Variants in PIP4K2A observed in about 807,000 individuals in gnomAD.
PIP4K2A encodes the protein phosphatidylinositol 5-phosphate 4-kinase type-2 alpha.
PIP4K2A carries 14 observed loss-of-function variants against 42.9 expected under a neutral mutation model. The observed-to-expected ratio is 0.33, with a 90% CI of 0.22 to 0.51. The LOEUF is 0.51. Among genes scored for constraint, PIP4K2A ranks in the 20% least tolerant of loss-of-function variants. The pLI is 0.97. For synonymous variants in PIP4K2A, 192 were observed against 192.2 expected (o/e 1.00, Z 0.01); for missense variants, 434 against 519.8 (o/e 0.83, Z 1.61).
intron 1 of PIP4K2A, among the ~76,000 whole-genome samples, chr10:22,644,912 T>A (rs1427702976): frequency 6.6e-6 from 1 of 152,234 alleles, no homozygotes; most frequent in Non-Finnish European, 1.5e-5. Context: ...GAAAAAGAAC[T>A]GCTTCGGTTA....
At chr10:22,558,287 C>T (rs1836601846) in intron 6 of PIP4K2A, among the ~76,000 whole-genome samples, 1 of 152,098 alleles carries the variant, frequency 6.6e-6, no homozygotes, top group South Asian at 2.1e-4. Context: ...GCCGTGCTTG[C>T]AAAAATCTTC....
At chr10:22,652,411 A>G (rs1839014850) in intron 1 of PIP4K2A, among the ~76,000 whole-genome samples, 1 of 152,152 alleles carries the variant, frequency 6.6e-6, no homozygotes, top group African/African-American at 2.4e-5. Context: ...GTGAGCCACC[A>G]TGCCAGGCCT....
At chr10:22,669,808 T>C (rs1246952673) in intron 1 of PIP4K2A, among the ~76,000 whole-genome samples, 2 of 152,208 alleles carry the variant, frequency 1.3e-5, no homozygotes, top group African/African-American at 4.8e-5. Flanking sequence ...TGAATGTCTT[T>C]CTGATTTCTA....
At chr10:22,653,692 T>C (rs1433596898) in intron 1 of PIP4K2A, among the ~76,000 whole-genome samples, 1 of 152,018 alleles carries the variant, frequency 6.6e-6, no homozygotes, top group Non-Finnish European at 1.5e-5. Flanking sequence ...GGTGGGTGGA[T>C]CACTTGAGGC....
intron 1 of PIP4K2A, chr10:22,694,698 C>CT (rs1405210468): frequency 6.6e-6 from 1 of 152,028 alleles, no homozygotes; most frequent in Non-Finnish European, 1.5e-5. Context: ...AAAATAACTG[C>CT]TTTTTTGAAA....
At chr10:22,547,676 G>C (rs2130753525) in intron 7 of PIP4K2A, among the ~76,000 whole-genome samples, 1 of 152,346 alleles carries the variant, frequency 6.6e-6, no homozygotes, top group South Asian at 2.1e-4. Context: ...CACAGAGGGA[G>C]AACAGTTTTG....
chr10:22,647,945 T>C (rs1245231978), intron 1 of PIP4K2A, among the ~76,000 whole-genome samples: 1 of 152,196 alleles, frequency 6.6e-6, no homozygotes, highest in Non-Finnish European at 1.5e-5. Flanking sequence ...ATTTAGAAGA[T>C]AAAAATAAAA....
chr10:22,705,900 C>T (rs1191187650), intron 1 of PIP4K2A, among the ~76,000 whole-genome samples: 2 of 151,964 alleles, frequency 1.3e-5, no homozygotes, highest in African/African-American at 4.8e-5. Flanking sequence ...AGAGGTTTAA[C>T]TGACTCAGTT....
At chr10:22,617,508 C>G (rs1838201172) in intron 1 of PIP4K2A, among the ~76,000 whole-genome samples, 1 of 152,198 alleles carries the variant, frequency 6.6e-6, no homozygotes, top group Non-Finnish European at 1.5e-5. Flanking sequence ...ACACTATGTT[C>G]TCAGACTAAT....
intron 1 of PIP4K2A, among the ~76,000 whole-genome samples, chr10:22,680,757 A>T (rs932477821): frequency 6.6e-6 from 1 of 152,204 alleles, no homozygotes; most frequent in Non-Finnish European, 1.5e-5. Flanking sequence ...CTACACATGT[A>T]TTGAGGTCTT....
In PIP4K2A at chr10:22,545,470, G is replaced by C. The variant is rs1836238539; in HGVS notation, c.793-3423C>G. Among the ~76,000 whole-genome samples the C allele has an allele frequency of 2.0e-5, 3 of 152,212 alleles. No homozygotes were observed. In the South Asian group the frequency reaches 6.2e-4, roughly 32 times the overall value. On this transcript the variant is annotated intron_variant, in intron 7 of 9. Transcript: ENST00000376573. ...AGCCTCCAGGGCCCAGCCTCCCCTG[G>C]CACCCCATCTGGGTTCCTCGCCACA...
Position 22,678,031 on chromosome 10 carries a change from A to G in PIP4K2A, c.144+36152T>C, listed in dbSNP as rs72816861. 3.8e-3 allele frequency among the ~76,000 whole-genome samples: 578 copies of G among 152,312 alleles called. 2 individuals carry two copies. The highest frequency in any genetic ancestry group is 6.8e-3 in the Middle Eastern group (2 of 294). On this transcript the variant is annotated intron_variant, in intron 1 of 9. Transcript: ENST00000376573. ...AGCTGACCATTAATCACATTAACAC[A>G]GATTTTACAGAGCAGACATCAGTTA...
At chr10:22,580,433 T>C (rs962092951) in intron 4 of PIP4K2A, among the ~76,000 whole-genome samples, 2 of 151,966 alleles carry the variant, frequency 1.3e-5, no homozygotes, top group Admixed American at 1.3e-4. Context: ...GCGGATTACT[T>C]GAGCCCAGGA....
intron 5 of PIP4K2A, among the ~76,000 whole-genome samples, chr10:22,569,756 A>G (rs760266593): frequency 6.6e-6 from 1 of 152,232 alleles, no homozygotes; most frequent in Middle Eastern, 3.4e-3. Context: ...CTGTATGCAA[A>G]TGCTGATCAT....
Position 22,626,947 on chromosome 10 carries a change from C to G in PIP4K2A, c.145-17230G>C, listed in dbSNP as rs115155344. 2.6e-3 allele frequency among the ~76,000 whole-genome samples: 394 copies of G among 152,238 alleles called. 2 individuals are homozygous for G. The highest frequency in any genetic ancestry group is 9.2e-3 in the African/African-American group (383 of 41,538). ...TCCTACCCACAAATATTCCTATTCACAAACTGTCAAGAGAACAAAACTGCT... is the reference window on the plus strand; with the variant it reads ...TCCTACCCACAAATATTCCTATTCAGAAACTGTCAAGAGAACAAAACTGCT... On this transcript the variant is annotated intron_variant, in intron 1 of 9. Transcript: ENST00000376573.
chr10:22,596,049 T>C (rs1444987440), intron 3 of PIP4K2A, among the ~76,000 whole-genome samples: 1 of 149,316 alleles, frequency 6.7e-6, no homozygotes, highest in Non-Finnish European at 1.5e-5. Context: ...CTACTAAAAA[T>C]ACAAAATTAT....
chr10:22,547,613 G>T (rs566716034), intron 7 of PIP4K2A, among the ~76,000 whole-genome samples: 2 of 152,170 alleles, frequency 1.3e-5, no homozygotes, highest in African/African-American at 4.8e-5. Flanking sequence ...ATGGATGGGG[G>T]GCTATAAACC....
At chr10:22,553,393 C>T (rs911161113) in intron 6 of PIP4K2A, among the ~76,000 whole-genome samples, 2 of 152,190 alleles carry the variant, frequency 1.3e-5, no homozygotes, top group Admixed American at 1.3e-4. Flanking sequence ...GGCCAGGTTC[C>T]TGGACCTCTC....
intron 1 of PIP4K2A, among the ~76,000 whole-genome samples, chr10:22,673,366 C>T (rs578142888): frequency 6.6e-6 from 1 of 152,230 alleles, no homozygotes; most frequent in African/African-American, 2.4e-5. Context: ...CAGGAAAATG[C>T]AATAAATATG....
Sources: allele counts gnomAD v4.1 joint callset (sites outside exome capture counted in the v4.1 genomes callset), GRCh38; gene constraint gnomAD v4.1.1; transcripts MANE v1.5; gene names NCBI Gene and HGNC (gene_info 2026-07-23, HGNC 2026-07-21).